The following CYP4V2 variants were observed in gnomAD, a reference collection of about 807,000 sequenced individuals.
The protein encoded by CYP4V2 is cytochrome P450 family 4 subfamily V member 2.
CYP4V2 carries 55 observed loss-of-function variants against 60.8 expected under a neutral mutation model. The observed-to-expected ratio is 0.90, with a 90% CI of 0.73 to 1.13. CYP4V2 has a LOEUF of 1.13. Among genes scored for constraint, CYP4V2 ranks in the 50% most tolerant of loss-of-function variants. The pLI is 0.00. For synonymous variants in CYP4V2, 239 were observed against 236.8 expected (o/e 1.01, Z -0.08); for missense variants, 675 against 662.9 (o/e 1.02, Z -0.20).
chr4:186,197,904 A>G (rs1185427542), intron 5 of CYP4V2, among the ~76,000 whole-genome samples: 2 of 152,232 alleles, frequency 1.3e-5, no homozygotes, highest in Non-Finnish European at 2.9e-5. Context: ...CTGTACCATG[A>G]TAATTGTTAT....
In CYP4V2 at chr4:186,194,517, A is replaced by G; in HGVS notation, c.232A>G (p.Ile78Val). The G allele has an allele frequency of 6.2e-7, 1 of 1,614,126 alleles. No individual in the cohort carries two copies. Among genetic ancestry groups the G allele is most frequent in the Admixed American group, 1.7e-5 (1 of 60,026 alleles). ...TTCCCCAGAATTTTTTCAGCAGATC[A>G]TTGAGTACACAGAGGAATACCGCCA... ...PDGREFFQQI[I>V]EYTEEYRHMP... The change falls in exon 2 of 11, where the codon ATT (isoleucine) becomes GTT (valine). Residue 78 changes from isoleucine (I) to valine (V), a missense_variant. Transcript: ENST00000378802.
intron 1 of CYP4V2, among the ~76,000 whole-genome samples, chr4:186,193,147 C>A (rs761290742): frequency 6.6e-6 from 1 of 152,150 alleles, no homozygotes; most frequent in Non-Finnish European, 1.5e-5. Context: ...TGGTAAAAAT[C>A]ATCTCAGTTA....
intron 8 of CYP4V2, among the ~76,000 whole-genome samples, chr4:186,205,517 G>A (rs766166235): frequency 8.5e-5 from 13 of 152,196 alleles, no homozygotes; most frequent in Non-Finnish European, 1.2e-4. Context: ...GCACTGATGC[G>A]TGCTGCTGTC....
At chr4:186,201,651 T>C in intron 7 of CYP4V2, 1 of 289,674 alleles carries the variant, frequency 3.5e-6, no homozygotes, top group African/African-American at 2.3e-5. Flanking sequence ...TCCATGTGGC[T>C]TCAGGCTTCC....
At chr4:186,197,733 C>A in intron 5 of CYP4V2, 131 bp downstream of exon 5, 2 of 883,618 alleles carry the variant, frequency 2.3e-6, no homozygotes, top group Non-Finnish European at 1.8e-6. Context: ...TTAACCTCAT[C>A]ATGTAAGCAT....
rs1352873213 is a variant in CYP4V2 at position 186,212,567 on chromosome 4, T to C, written c.*1926T>C. 1 of 152,250 alleles carries C rather than the reference T, an allele frequency of 6.6e-6. No individual in the cohort carries two copies. Among genetic ancestry groups the C allele is most frequent in the Non-Finnish European group, 1.5e-5 (1 of 68,046 alleles). The allele number at this position is 152,250 out of a possible 1,614,324, so 9.4% of individuals were successfully genotyped here. On this transcript the variant is annotated 3_prime_UTR_variant, in exon 11 of 11. Transcript: ENST00000378802. ...AATTACCTTTATATATCATATGTTA[T>C]TGGAAGAGATTCCTCAGTAATCTCC...
chr4:186,200,301 G>A lies in CYP4V2; in HGVS notation c.802-856G>A, dbSNP rs557438120. 5.9e-5 allele frequency among the ~76,000 whole-genome samples: 9 copies of A among 152,210 alleles called. No individual in the cohort carries two copies. In the South Asian group the frequency reaches 1.9e-3, roughly 32 times the overall value. On this transcript the variant is annotated intron_variant, in intron 6 of 10. Coordinates refer to ENST00000378802, the MANE Select transcript of CYP4V2 (RefSeq NM_207352.4). ...GTCAATTACCTGGTAGGAAAAGAAG[G>A]TTGAAATGTACAACCAAATTAAGTG...
At position 186,191,605 on chromosome 4, in the gene CYP4V2, G is replaced by A; in HGVS notation, c.-219G>A. On this transcript the variant is annotated 5_prime_UTR_variant, in exon 1 of 11. Coordinates refer to ENST00000378802, the MANE Select transcript of CYP4V2 (RefSeq NM_207352.4). The stretch of plus-strand genomic sequence containing the variant: ...TCGGCTGGGGCGTGGAGGCCGCGGT[G>A]CTGCGTAGGCCGGGCCGGGCGCAGG... The A allele has an allele frequency of 2.9e-6, 1 of 342,134 alleles. No homozygotes were observed. Among genetic ancestry groups the A allele is most frequent in the Non-Finnish European group, 5.1e-6 (1 of 195,332 alleles). The allele number at this position is 342,134 out of a possible 1,614,324, so 21.2% of individuals were successfully genotyped here.
At position 186,209,249 on chromosome 4, in the gene CYP4V2, C is replaced by T. The variant is rs933204437; in HGVS notation, c.1382C>T (p.Ser461Phe). The T allele has an allele frequency of 2.5e-6, 4 of 1,613,864 alleles. No homozygotes were observed. In the African/African-American group the frequency reaches 4.0e-5, roughly 16 times the overall value. Residue 461 changes from serine to phenylalanine, a missense_variant, in exon 10 of 11, where the codon TCT becomes TTT. Physicochemically the swap from Ser to Phe is radical, Grantham distance 155 (BLOSUM62 -2). Transcript: ENST00000378802. Reference protein sequence around the residue: ...GRHPYAYVPFSAGPRNCIGQK... With the variant: ...GRHPYAYVPFFAGPRNCIGQK... Reference sequence around the variant, plus strand: ...CATCCATATGCCTACGTGCCCTTCTCTGCTGGCCCCAGGAACTGTATAGGT... The same window carrying T: ...CATCCATATGCCTACGTGCCCTTCTTTGCTGGCCCCAGGAACTGTATAGGT...
intron 2 of CYP4V2, among the ~76,000 whole-genome samples, chr4:186,194,973 C>T (rs2126582701): frequency 6.6e-6 from 1 of 152,284 alleles, no homozygotes; most frequent in Non-Finnish European, 1.5e-5. Context: ...ATATGTTTCC[C>T]TCAAGTTGCT....
chr4:186,191,752 G>A lies in CYP4V2; in HGVS notation c.-72G>A, dbSNP rs1284235293. ...CGGGGAAGTGGGCGGTGTGCGGCCGGCACCGCCTCGCACCACGCCCCCGCG... is the reference window on the plus strand; with the variant it reads ...CGGGGAAGTGGGCGGTGTGCGGCCGACACCGCCTCGCACCACGCCCCCGCG... On this transcript the variant is annotated 5_prime_UTR_variant, in exon 1 of 11. Coordinates refer to ENST00000378802, the MANE Select transcript of CYP4V2 (RefSeq NM_207352.4). 3.8e-6 allele frequency: 5 copies of A among 1,318,440 alleles called. No homozygotes were observed. In the Admixed American group the frequency reaches 2.0e-4, roughly 52 times the overall value. 81.7% of individuals were successfully genotyped at this position (1,318,440 alleles called of 1,614,324 possible).
At chr4:186,207,691 C>G (rs1416395729) in intron 8 of CYP4V2, among the ~76,000 whole-genome samples, 2 of 151,582 alleles carry the variant, frequency 1.3e-5, no homozygotes, top group Non-Finnish European at 2.9e-5. Flanking sequence ...ATTTCAGCAG[C>G]ATTTAGTACC....
intron 5 of CYP4V2, 91 bp downstream of exon 5, chr4:186,197,693 T>C: frequency 1.4e-6 from 2 of 1,380,558 alleles, no homozygotes; most frequent in African/African-American, 1.4e-5. Context: ...TATCTTTTTA[T>C]GGTTTCAAAA....
At chr4:186,200,290 A>T (rs989908007) in intron 6 of CYP4V2, among the ~76,000 whole-genome samples, 1 of 152,168 alleles carries the variant, frequency 6.6e-6, no homozygotes, top group Non-Finnish European at 1.5e-5. Context: ...ATTACCTGGT[A>T]GGAAAAGAAG....
chr4:186,205,131 G>C, intron 7 of CYP4V2, 69 bp from the exon 8 acceptor site: 2 of 1,410,312 alleles, frequency 1.4e-6, no homozygotes, highest in South Asian at 1.1e-5. Flanking sequence ...ATTCAAAAGA[G>C]GTTTCTGGTC....
chr4:186,199,507 T>C (rs1736247535), intron 6 of CYP4V2, among the ~76,000 whole-genome samples: 1 of 152,182 alleles, frequency 6.6e-6, no homozygotes, highest in Non-Finnish European at 1.5e-5. Flanking sequence ...GGAGAGGTGA[T>C]CTATCAACAC....
At chr4:186,199,173 T>G in intron 6 of CYP4V2, 90 bp downstream of exon 6, 1 of 1,356,008 alleles carries the variant, frequency 7.4e-7, no homozygotes, top group Non-Finnish European at 1.0e-6. Context: ...TTGGTGGTAT[T>G]AAGTGCATTC....
At position 186,195,540 on chromosome 4, in the gene CYP4V2, C is replaced by A. The variant is rs1398116278; in HGVS notation, c.328-463C>A. ...TCCATTGCTGCCTCTATGCTGGGGA[C>A]ACTCCGAACAGGCATCTCCAGCTCA... On this transcript the variant is annotated intron_variant, in intron 2 of 10. Coordinates refer to ENST00000378802, the MANE Select transcript of CYP4V2 (RefSeq NM_207352.4). The surrounding 1 kb of genome is among the most constrained non-coding windows in gnomAD (Gnocchi z 4.1). Among the ~76,000 whole-genome samples the A allele has an allele frequency of 6.6e-6, 1 of 152,178 alleles. No homozygotes were observed. The highest frequency in any genetic ancestry group is 1.5e-5 in the Non-Finnish European group (1 of 68,034).
Position 186,197,078 on chromosome 4 carries a change from A to G in CYP4V2, c.552A>G (p.Glu184=). 1 of 1,613,978 alleles carries G rather than the reference A, an allele frequency of 6.2e-7. No individual in the cohort carries two copies. The highest frequency in any genetic ancestry group is 8.5e-7 in the Non-Finnish European group (1 of 1,180,016). Reference sequence around the variant, plus strand: ...AACTTGAAAAACACATTAACCAAGAAGCATTTAACTGCTTTTTTTACATCA... The same window carrying G: ...AACTTGAAAAACACATTAACCAAGAGGCATTTAACTGCTTTTTTTACATCA... ...VKKLEKHINQ[E]AFNCFFYITL... The change falls in exon 4 of 11, where the codon GAA becomes GAG. Residue 184 remains glutamate (E), a synonymous_variant. Coordinates refer to ENST00000378802, the MANE Select transcript of CYP4V2 (RefSeq NM_207352.4).
Sources: gnomAD v4.1 joint callset for allele counts (sites outside exome capture counted in the v4.1 genomes callset) on GRCh38, gnomAD v4.1.1 for gene constraint, Gnocchi (gnomAD v3.1) non-coding constraint, MANE v1.5 for transcripts, NCBI Gene and HGNC (gene_info 2026-07-23, HGNC 2026-07-21) for gene names.